Variants in ATRNL1 observed in about 807,000 individuals in gnomAD.
The protein encoded by ATRNL1 is attractin like 1.
A neutral mutation model predicts 182.7 loss-of-function variants in ATRNL1; 95 were observed. The observed-to-expected ratio is 0.52, with a 90% CI of 0.44 to 0.62. The LOEUF (loss-of-function observed/expected upper bound fraction) is 0.62. Ranked by LOEUF, ATRNL1 falls within the 20% of genes least tolerant of loss-of-function variation. The probability of loss-of-function intolerance (pLI) is 0.00; values close to 1 mark genes in which losing one functional copy is unlikely to be tolerated. For synonymous variants in ATRNL1, 576 were observed against 568.3 expected, an observed-to-expected ratio of 1.01 and a Z score of -0.19; for missense variants, 1,471 against 1,679.5, an observed-to-expected ratio of 0.88 and a Z score of 2.17.
intron 27 of ATRNL1, among the ~76,000 whole-genome samples, chr10:115,827,475 G>A (rs1950462953): frequency 6.6e-6 from 1 of 152,190 alleles, no homozygotes; most frequent in African/African-American, 2.4e-5. Flanking sequence ...AATTTCCCAT[G>A]TGGTGTTGCA....
In ATRNL1 at chr10:115,749,044, T is replaced by C. The variant is rs191291354; in HGVS notation, c.3903+21689T>C. Among the ~76,000 whole-genome samples, 730 of 152,046 alleles carry C rather than the reference T, an allele frequency of 4.8e-3. 7 individuals are homozygous for C. Among genetic ancestry groups the C allele is most frequent in the Non-Finnish European group, 6.6e-3 (446 of 67,870 alleles). On this transcript the variant is annotated intron_variant, in intron 27 of 28. Transcript: ENST00000355044. ...TGTATTTAAATTAAAAATATTACTGTAAATCTCTCAAGATGAACCACAGAG... is the reference window on the plus strand; with the variant it reads ...TGTATTTAAATTAAAAATATTACTGCAAATCTCTCAAGATGAACCACAGAG...
intron 19 of ATRNL1, among the ~76,000 whole-genome samples, chr10:115,388,347 T>C (rs1843780219): frequency 6.6e-6 from 1 of 152,224 alleles, no homozygotes; most frequent in Non-Finnish European, 1.5e-5. Context: ...AACTGTTATA[T>C]ATTCATGATG....
At chr10:115,179,968 C>A (rs1847684950) in intron 8 of ATRNL1, among the ~76,000 whole-genome samples, 1 of 151,846 alleles carries the variant, frequency 6.6e-6, no homozygotes, top group Non-Finnish European at 1.5e-5. Flanking sequence ...TTCAAGAAAA[C>A]CTTTTTGTTG....
chr10:115,770,135 G>T (rs909110561), intron 27 of ATRNL1, among the ~76,000 whole-genome samples: 3 of 147,618 alleles, frequency 2.0e-5, no homozygotes, highest in Admixed American at 6.8e-5. Flanking sequence ...TACCTGAAGG[G>T]TTTTTTTTTT....
intron 9 of ATRNL1, among the ~76,000 whole-genome samples, chr10:115,225,748 T>C (rs1472715132): frequency 1.3e-5 from 2 of 151,418 alleles, no homozygotes; most frequent in Admixed American, 1.3e-4. Context: ...GACCAAATTA[T>C]GACAATTGTT....
At chr10:115,923,484 C>T (rs1555119180) in intron 28 of ATRNL1, among the ~76,000 whole-genome samples, 1 of 152,100 alleles carries the variant, frequency 6.6e-6, no homozygotes, top group African/African-American at 2.4e-5. Context: ...GTTCAACTCC[C>T]ACTTATGGGT....
At chr10:115,290,008 C>A (rs1161011797) in intron 15 of ATRNL1, among the ~76,000 whole-genome samples, 6 of 150,288 alleles carry the variant, frequency 4.0e-5, no homozygotes, top group African/African-American at 1.5e-4. Flanking sequence ...TCTTCTGATC[C>A]ATTTGCATGG....
intron 8 of ATRNL1, among the ~76,000 whole-genome samples, chr10:115,180,010 C>G (rs965361102): frequency 6.6e-6 from 1 of 151,888 alleles, no homozygotes; most frequent in Non-Finnish European, 1.5e-5. Context: ...TTGAATTATG[C>G]TAACTCAGAC....
chr10:115,479,900 A>T (rs1330352984), intron 24 of ATRNL1, among the ~76,000 whole-genome samples: 4 of 151,362 alleles, frequency 2.6e-5, no homozygotes, highest in Non-Finnish European at 5.9e-5. Context: ...ACATTTATAT[A>T]TCACAGTTTA....
At chr10:115,403,662 A>G (rs595976) in intron 20 of ATRNL1, among the ~76,000 whole-genome samples, 57,818 of 151,830 alleles carry the variant, frequency 0.38, 12,182 homozygotes, top group African/African-American at 0.57. Flanking sequence ...ATGTTGGCCA[A>G]GCTGGTCTCA....
intron 26 of ATRNL1, among the ~76,000 whole-genome samples, chr10:115,636,996 G>C (rs1858918213): frequency 6.6e-6 from 1 of 152,142 alleles, no homozygotes; most frequent in Non-Finnish European, 1.5e-5. Flanking sequence ...AAAAAAAGAA[G>C]AACCCCCAAG....
intron 8 of ATRNL1, among the ~76,000 whole-genome samples, chr10:115,187,069 C>T (rs1847969985): frequency 6.6e-6 from 1 of 151,976 alleles, no homozygotes; most frequent in South Asian, 2.1e-4. Context: ...GATCTATGAT[C>T]TCTCCCCTCA....
chr10:115,347,272 A>G (rs1236980565), intron 19 of ATRNL1, among the ~76,000 whole-genome samples: 1 of 152,164 alleles, frequency 6.6e-6, no homozygotes, highest in Admixed American at 6.5e-5. Flanking sequence ...TTTTTAAATA[A>G]TTCTTTAAGA....
intron 28 of ATRNL1, among the ~76,000 whole-genome samples, chr10:115,918,578 G>GTGTT (rs1952950342): frequency 6.6e-6 from 1 of 152,148 alleles, no homozygotes; most frequent in Non-Finnish European, 1.5e-5. Flanking sequence ...TCACCAATAA[G>GTGTT]TGTTTATATA....
chr10:115,652,153 A>G (rs1478287793), intron 26 of ATRNL1, among the ~76,000 whole-genome samples: 1 of 151,932 alleles, frequency 6.6e-6, no homozygotes, highest in Non-Finnish European at 1.5e-5. Context: ...AATTTTACAT[A>G]TTTTCATAGC....
intron 5 of ATRNL1, among the ~76,000 whole-genome samples, chr10:115,142,285 A>G (rs1165780558): frequency 6.6e-6 from 1 of 152,204 alleles, no homozygotes; most frequent in African/African-American, 2.4e-5. Context: ...TCAACCATAT[A>G]GATATCTAGG....
At chr10:115,695,890 T>C (rs1555049621) in intron 26 of ATRNL1, among the ~76,000 whole-genome samples, 1 of 151,918 alleles carries the variant, frequency 6.6e-6, no homozygotes, top group African/African-American at 2.4e-5. Flanking sequence ...ATGGTGTATA[T>C]GTACAACATT....
chr10:115,225,702 A>C (rs184820510), intron 9 of ATRNL1, among the ~76,000 whole-genome samples: 2 of 151,136 alleles, frequency 1.3e-5, no homozygotes, highest in Admixed American at 6.6e-5. Flanking sequence ...ATAAAACCTT[A>C]TTGTGAGAAA....
At chr10:115,197,208 T>A (rs553503421) in intron 8 of ATRNL1, among the ~76,000 whole-genome samples, 1 of 152,230 alleles carries the variant, frequency 6.6e-6, no homozygotes, top group East Asian at 1.9e-4. Context: ...AAACTGCAAT[T>A]GCATTCTTGG....
Sources: gnomAD v4.1 joint callset for allele counts (sites outside exome capture counted in the v4.1 genomes callset) on GRCh38, gnomAD v4.1.1 for gene constraint, MANE v1.5 for transcripts, NCBI Gene and HGNC (gene_info 2026-07-23, HGNC 2026-07-21) for gene names.